The following FCHSD2 variants were observed in gnomAD, a reference collection of about 807,000 sequenced individuals.
FCHSD2 encodes FCH and double SH3 domains 2.
A neutral mutation model predicts 108.1 loss-of-function variants in FCHSD2; 38 were observed. The ratio of observed to expected loss-of-function variants is 0.35; its 90% CI spans 0.27 to 0.46. The LOEUF is 0.46. Ranked by LOEUF, FCHSD2 falls within the 20% of genes least tolerant of loss-of-function variation. The pLI is 1.00. For missense variants in FCHSD2, 751 were observed against 897.8 expected (o/e 0.84, Z 2.09); for synonymous variants, 279 against 314.7 (o/e 0.89, Z 1.20).
chr11:73,097,422 G>A (rs1467746540), intron 2 of FCHSD2, among the ~76,000 whole-genome samples: 1 of 150,680 alleles, frequency 6.6e-6, no homozygotes, highest in Non-Finnish European at 1.5e-5. Flanking sequence ...AGAAATAGTA[G>A]TCTATAGTTT....
At chr11:72,919,014 G>A (rs1025752772) in intron 9 of FCHSD2, among the ~76,000 whole-genome samples, 7 of 152,004 alleles carry the variant, frequency 4.6e-5, no homozygotes, top group Non-Finnish European at 1.0e-4. Context: ...TCCATTTAGG[G>A]GATGAATGAT....
At chr11:73,120,486 T>C (rs1303953254) in intron 2 of FCHSD2, among the ~76,000 whole-genome samples, 1 of 152,144 alleles carries the variant, frequency 6.6e-6, no homozygotes, top group African/African-American at 2.4e-5. Context: ...TCCTGGCACT[T>C]TGGGAAACCA....
chr11:72,849,405 G>A (rs1861227030), intron 14 of FCHSD2, among the ~76,000 whole-genome samples: 1 of 152,228 alleles, frequency 6.6e-6, no homozygotes, highest in South Asian at 2.1e-4. Flanking sequence ...CTGAGCAGAA[G>A]TGCTATATAA....
intron 8 of FCHSD2, among the ~76,000 whole-genome samples, chr11:72,932,377 G>A (rs572348665): frequency 6.6e-6 from 1 of 152,156 alleles, no homozygotes; most frequent in East Asian, 1.9e-4. Flanking sequence ...ACTGTTCACT[G>A]GCTACTCATC....
intron 12 of FCHSD2, among the ~76,000 whole-genome samples, chr11:72,872,982 G>A (rs1383716297): frequency 1.3e-5 from 2 of 152,186 alleles, no homozygotes; most frequent in Non-Finnish European, 2.9e-5. Flanking sequence ...CCATGCTAGT[G>A]GATATAAAGT....
intron 2 of FCHSD2, among the ~76,000 whole-genome samples, chr11:73,124,583 C>G (rs2135563050): frequency 6.6e-6 from 1 of 152,150 alleles, no homozygotes; most frequent in Admixed American, 6.5e-5. Context: ...TGGTGAAACC[C>G]CGCCTCTACT....
intron 9 of FCHSD2, among the ~76,000 whole-genome samples, chr11:72,913,128 A>T (rs1354924221): frequency 6.6e-6 from 1 of 152,126 alleles, no homozygotes; most frequent in Non-Finnish European, 1.5e-5. Context: ...GAGAACAGCA[A>T]GGGGGAACTC....
intron 2 of FCHSD2, among the ~76,000 whole-genome samples, chr11:73,124,872 C>T (rs1443586917): frequency 1.3e-5 from 2 of 151,986 alleles, no homozygotes; most frequent in Admixed American, 6.6e-5. Flanking sequence ...TCACATTACA[C>T]TCAAACTGTA....
At chr11:73,113,702 T>C (rs1423498988) in intron 2 of FCHSD2, among the ~76,000 whole-genome samples, 1 of 152,160 alleles carries the variant, frequency 6.6e-6, no homozygotes, top group Admixed American at 6.5e-5. Flanking sequence ...TTTCCAGGCA[T>C]TTGAAGAAAC....
intron 9 of FCHSD2, among the ~76,000 whole-genome samples, chr11:72,903,303 G>A (rs1855565199): frequency 6.6e-6 from 1 of 152,002 alleles, no homozygotes; most frequent in South Asian, 2.1e-4. Flanking sequence ...TGCAAGCTCC[G>A]CCTCCCGGGT....
chr11:72,858,320 A>G (rs1044294868), intron 13 of FCHSD2, among the ~76,000 whole-genome samples: 1 of 152,272 alleles, frequency 6.6e-6, no homozygotes, highest in Admixed American at 6.5e-5. Context: ...ATGCACATGC[A>G]TGTTCATTGC....
intron 3 of FCHSD2, among the ~76,000 whole-genome samples, chr11:73,082,335 CAAAAAAAAA>C (rs750423401): frequency 0.2 from 7,034 of 34,518 alleles, 293 homozygotes; most frequent in South Asian, 0.39. Flanking sequence ...AGACTTGTCC[CAAAAAAAAA>C]AAAAAAAAAA....
intron 5 of FCHSD2, among the ~76,000 whole-genome samples, chr11:72,992,152 C>A (rs907406480): frequency 3.3e-5 from 5 of 152,126 alleles, no homozygotes. Context: ...TGAGTGAACT[C>A]CCATTCACAA....
intron 3 of FCHSD2, among the ~76,000 whole-genome samples, chr11:73,081,197 A>C (rs962888180): frequency 6.6e-5 from 10 of 152,194 alleles, no homozygotes; most frequent in African/African-American, 2.2e-4. Context: ...ACACTTTGGG[A>C]GGCCGAGGCA....
intron 10 of FCHSD2, among the ~76,000 whole-genome samples, chr11:72,896,807 C>G (rs951292544): frequency 2.1e-5 from 3 of 145,306 alleles, no homozygotes; most frequent in Admixed American, 2.0e-4. Flanking sequence ...AATATGCTTG[C>G]CTTGTGGATT....
intron 3 of FCHSD2, among the ~76,000 whole-genome samples, chr11:73,017,067 C>T (rs570998273): frequency 8.5e-5 from 13 of 152,304 alleles, no homozygotes; most frequent in Admixed American, 3.3e-4. Flanking sequence ...AATGCAGCCT[C>T]AACTTCCTGG....
At chr11:72,895,649 A>T (rs1855402622) in intron 10 of FCHSD2, among the ~76,000 whole-genome samples, 1 of 152,234 alleles carries the variant, frequency 6.6e-6, no homozygotes, top group South Asian at 2.1e-4. Flanking sequence ...CTAAACCAGT[A>T]GAGGGCCTAT....
chr11:73,013,756 G>A (rs79569799), intron 4 of FCHSD2, among the ~76,000 whole-genome samples: 2,870 of 152,182 alleles, frequency 0.019, 49 homozygotes, highest in African/African-American at 0.048. Flanking sequence ...GGGTTTATAA[G>A]CTAGCCTAGG....
intron 3 of FCHSD2, among the ~76,000 whole-genome samples, chr11:73,074,133 T>C (rs1435409944): frequency 1.3e-5 from 2 of 152,144 alleles, no homozygotes; most frequent in Non-Finnish European, 2.9e-5. Flanking sequence ...GAATAAAAAG[T>C]CCAGAAACAG....
Sources: gnomAD v4.1 joint callset for allele counts (sites outside exome capture counted in the v4.1 genomes callset) on GRCh38, gnomAD v4.1.1 for gene constraint, MANE v1.5 for transcripts, NCBI Gene and HGNC (gene_info 2026-07-23, HGNC 2026-07-21) for gene names.